SDK1: variants seen among roughly 807,000 people sequenced by gnomAD.
SDK1 encodes the protein protein sidekick-1.
Under a neutral mutation model 245.5 loss-of-function variants are expected in SDK1, and 157 were observed. The ratio of observed to expected loss-of-function variants is 0.64; its 90% CI spans 0.56 to 0.73. The LOEUF (loss-of-function observed/expected upper bound fraction) is 0.73, where lower values mean the gene tolerates loss of function less well. Ranked by LOEUF, SDK1 falls within the 30% of genes least tolerant of loss-of-function variation. SDK1 has a pLI of 0.00. For missense variants in SDK1, 3,583 were observed against 3,002.3 expected (o/e 1.19, Z -4.52); for synonymous variants, 1,647 against 1,278.5 (o/e 1.29, Z -6.15).
intron 5 of SDK1, among the ~76,000 whole-genome samples, chr7:3,918,868 T>G (rs1779486373): frequency 6.6e-6 from 1 of 152,124 alleles, no homozygotes; most frequent in African/African-American, 2.4e-5. Flanking sequence ...CTTCTCACAC[T>G]CTATTCTTCT....
chr7:3,813,895 C>A (rs980707550), intron 4 of SDK1, among the ~76,000 whole-genome samples: 1 of 130,238 alleles, frequency 7.7e-6, no homozygotes, highest in Admixed American at 8.1e-5. Flanking sequence ...TGTTTTTTGG[C>A]TGCATAAATG....
rs1289302777 is a variant in SDK1 at position 4,127,485 on chromosome 7, C to G, written c.3928C>G (p.Leu1310Val). ...VPEQDQNGLI[L>V]GYKILFRAKD... ...GGAACAGGACCAGAATGGGCTCATA[C>G]TGGGCTACAAGGTGTGTGATCACAG... Residue 1310 changes from leucine to valine, a missense_variant, in exon 26 of 45, where the codon CTG becomes GTG. Leu to Val is a conservative substitution (Grantham distance 32). Transcript: ENST00000404826. The G allele has an allele frequency of 1.2e-6, 2 of 1,612,930 alleles. No homozygotes were observed. Among genetic ancestry groups the G allele is most frequent in the African/African-American group, 1.3e-5 (1 of 74,916 alleles).
At chr7:4,081,632 A>G (rs1351840211) in intron 22 of SDK1, among the ~76,000 whole-genome samples, 1 of 152,090 alleles carries the variant, frequency 6.6e-6, no homozygotes, top group East Asian at 1.9e-4. Flanking sequence ...GTTAGCCAGG[A>G]TGGTCTGGAT....
chr7:4,102,177 G>A (rs1482612304), intron 22 of SDK1, among the ~76,000 whole-genome samples: 15 of 151,348 alleles, frequency 9.9e-5, no homozygotes, highest in East Asian at 3.9e-4. Flanking sequence ...CAAACTCTGC[G>A]ATTTGTTTGA....
chr7:3,577,226 A>G (rs533032699), intron 1 of SDK1, among the ~76,000 whole-genome samples: 2 of 152,032 alleles, frequency 1.3e-5, no homozygotes, highest in South Asian at 2.1e-4. Context: ...CTTTCCTTAC[A>G]CTACTCTACA....
At chr7:3,695,740 A>T (rs1784551169) in intron 4 of SDK1, among the ~76,000 whole-genome samples, 1 of 152,190 alleles carries the variant, frequency 6.6e-6, no homozygotes, top group East Asian at 1.9e-4. Context: ...TGCACTTATT[A>T]TTCCGGTGAC....
intron 35 of SDK1, among the ~76,000 whole-genome samples, chr7:4,199,192 A>C (rs1156304686): frequency 6.6e-6 from 1 of 152,186 alleles, no homozygotes; most frequent in Admixed American, 6.5e-5. Context: ...TAATGCAGTT[A>C]ATGAGTTAGG....
At chr7:4,116,960 C>T (rs983130606) in intron 25 of SDK1, among the ~76,000 whole-genome samples, 28 of 152,322 alleles carry the variant, frequency 1.8e-4, no homozygotes, top group Admixed American at 5.2e-4. Flanking sequence ...AAGGTGGAGA[C>T]GCACCCACAT....
intron 5 of SDK1, among the ~76,000 whole-genome samples, chr7:3,858,987 C>T (rs1026527295): frequency 1.3e-5 from 2 of 151,034 alleles, no homozygotes; most frequent in African/African-American, 2.4e-5. Flanking sequence ...CTCAGCCTCC[C>T]GAGTAGCTGG....
chr7:3,642,192 T>C, intron 4 of SDK1, 87 bp downstream of exon 4: 1 of 1,307,860 alleles, frequency 7.6e-7, no homozygotes, highest in Non-Finnish European at 1.1e-6. Flanking sequence ...CCAATTAAGG[T>C]TACCGATGAT....
intron 1 of SDK1, among the ~76,000 whole-genome samples, chr7:3,567,540 A>C (rs902027990): frequency 2.0e-5 from 3 of 152,234 alleles, no homozygotes; most frequent in Admixed American, 1.3e-4. Flanking sequence ...AAATGGAAAA[A>C]AGGTAAATGA....
chr7:3,622,832 A>C (rs1781985112), intron 2 of SDK1, among the ~76,000 whole-genome samples: 1 of 152,146 alleles, frequency 6.6e-6, no homozygotes, highest in Non-Finnish European at 1.5e-5. Flanking sequence ...TTTGTGATAA[A>C]TTATATTATG....
In SDK1 at chr7:3,958,928, A is replaced by G. The variant is rs769808055; in HGVS notation, c.1151-3A>G. 2 of 1,612,246 alleles carry G rather than the reference A, an allele frequency of 1.2e-6. No individual in the cohort carries two copies. The highest frequency in any genetic ancestry group is 2.2e-5 in the South Asian group (2 of 90,972). ...GGGCTTTTTTTTATTTTCTTGTTTG[A>G]AGAGCCACCATATTTTACTGCTGAG... On this transcript the variant is annotated splice_region_variant and splice_polypyrimidine_tract_variant and intron_variant, in intron 7 of 44. Transcript: ENST00000404826.
At chr7:4,241,071 T>C (rs1786487703) in intron 42 of SDK1, among the ~76,000 whole-genome samples, 1 of 152,210 alleles carries the variant, frequency 6.6e-6, no homozygotes, top group Non-Finnish European at 1.5e-5. Flanking sequence ...ATTCATTTGA[T>C]CTGTTAATAT....
intron 4 of SDK1, among the ~76,000 whole-genome samples, chr7:3,713,418 A>G (rs1208809864): frequency 6.6e-6 from 1 of 152,196 alleles, no homozygotes; most frequent in East Asian, 1.9e-4. Context: ...AGAAAGGTGG[A>G]GAGAGGGGAA....
chr7:3,706,006 C>T (rs1784878310), intron 4 of SDK1, among the ~76,000 whole-genome samples: 1 of 152,128 alleles, frequency 6.6e-6, no homozygotes, highest in South Asian at 2.1e-4. Flanking sequence ...AATGTCTTTT[C>T]TGCATCTATT....
In SDK1 at chr7:3,379,331, C is replaced by T. The variant is rs185312897; in HGVS notation, c.298+77447C>T. Reference sequence around the variant, plus strand: ...TCTTGTTCTGTGAGGAGAAGTTGCCCTGCGCTGAGGGGGCATATGAAAAGG... The same window carrying T: ...TCTTGTTCTGTGAGGAGAAGTTGCCTTGCGCTGAGGGGGCATATGAAAAGG... On this transcript the variant is annotated intron_variant, in intron 1 of 44. Coordinates refer to ENST00000404826, the MANE Select transcript of SDK1 (RefSeq NM_152744.4). Among the ~76,000 whole-genome samples, 123 of 152,162 alleles carry T rather than the reference C, an allele frequency of 8.1e-4. 2 individuals are homozygous for T. The highest frequency in any genetic ancestry group is 3.4e-3 in the Middle Eastern group (1 of 294).
intron 14 of SDK1, among the ~76,000 whole-genome samples, chr7:4,002,742 A>T (rs546940315): frequency 5.9e-5 from 9 of 152,240 alleles, no homozygotes; most frequent in African/African-American, 1.2e-4. Context: ...GGTGGAAAAA[A>T]ATCTGGTTGG....
chr7:3,401,471 GC>G (rs1443949574), intron 1 of SDK1, among the ~76,000 whole-genome samples: 3 of 152,142 alleles, frequency 2.0e-5, no homozygotes, highest in Non-Finnish European at 4.4e-5. Flanking sequence ...AATGGTACTT[GC>G]CAAACTATTC....
Sources: gnomAD v4.1 joint callset for allele counts (sites outside exome capture counted in the v4.1 genomes callset) on GRCh38, gnomAD v4.1.1 for gene constraint, MANE v1.5 for transcripts, NCBI Gene and HGNC (gene_info 2026-07-23, HGNC 2026-07-21) for gene names.